ARHGEF4: variants seen among roughly 807,000 people sequenced by gnomAD.
The protein encoded by ARHGEF4 is Rho guanine nucleotide exchange factor 4, also known as APC-stimulated guanine nucleotide exchange factor 1.
ARHGEF4 carries 119 observed loss-of-function variants against 162.0 expected under a neutral mutation model. The ratio of observed to expected loss-of-function variants is 0.73; its 90% CI spans 0.63 to 0.86. The LOEUF (loss-of-function observed/expected upper bound fraction) is 0.86, where lower values mean the gene tolerates loss of function less well. Ranked by LOEUF, ARHGEF4 falls within the 40% of genes least tolerant of loss-of-function variation. ARHGEF4 has a pLI of 0.00. For missense variants in ARHGEF4, 2,488 were observed against 2,456.0 expected (o/e 1.01, Z -0.28); for synonymous variants, 1,014 against 979.9 (o/e 1.03, Z -0.65).
chr2:131,036,170 GC>G (rs1268188926), intron 5 of ARHGEF4, among the ~76,000 whole-genome samples: 1 of 152,220 alleles, frequency 6.6e-6, no homozygotes, highest in African/African-American at 2.4e-5. Flanking sequence ...AAGGGCCTCT[GC>G]CCAGAAACGC....
intron 5 of ARHGEF4, among the ~76,000 whole-genome samples, chr2:131,033,860 G>C (rs142854059): frequency 2.6e-5 from 4 of 152,124 alleles, no homozygotes; most frequent in Non-Finnish European, 5.9e-5. Flanking sequence ...GCACCCACAT[G>C]TTGTACATAG....
chr2:131,025,606 C>T (rs1689426885), intron 4 of ARHGEF4, among the ~76,000 whole-genome samples: 1 of 152,210 alleles, frequency 6.6e-6, no homozygotes, highest in Non-Finnish European at 1.5e-5. Context: ...TTATGTGTTT[C>T]TTCCATCCAT....
At position 130,850,872 on chromosome 2, in the gene ARHGEF4, G is replaced by A. The variant is rs557324528; in HGVS notation, c.39+13880G>A. Among the ~76,000 whole-genome samples, 3 of 152,382 alleles carry A rather than the reference G, an allele frequency of 2.0e-5. No individual in the cohort carries two copies. In the East Asian group the frequency reaches 5.8e-4, roughly 29 times the overall value. On this transcript the variant is annotated intron_variant, in intron 1 of 13. Transcript: ENST00000409359. ...TGGCAGCTGAGGCTGCTGGGCCTCT[G>A]TCATGCATGCGCTTCTGTGGGGCAT...
At chr2:131,019,337 G>C (rs749879322) in intron 4 of ARHGEF4, among the ~76,000 whole-genome samples, 2 of 152,026 alleles carry the variant, frequency 1.3e-5, no homozygotes, top group Non-Finnish European at 2.9e-5. Context: ...GCTTGAACCC[G>C]GGAGGCGGAG....
At chr2:131,008,259 A>G (rs1688251576) in intron 4 of ARHGEF4, among the ~76,000 whole-genome samples, 1 of 152,234 alleles carries the variant, frequency 6.6e-6, no homozygotes, top group South Asian at 2.1e-4. Context: ...ATACTTGTAA[A>G]TACATACTTG....
At chr2:130,921,468 G>T (rs1282323350) in intron 2 of ARHGEF4, among the ~76,000 whole-genome samples, 1 of 152,080 alleles carries the variant, frequency 6.6e-6, no homozygotes, top group Non-Finnish European at 1.5e-5. Context: ...GGGTGTCCTT[G>T]GGGGATGCAT....
At position 131,044,447 on chromosome 2, in the gene ARHGEF4, G is replaced by C; in HGVS notation, c.5306G>C (p.Ser1769Thr). 3 of 1,558,702 alleles carry C rather than the reference G, an allele frequency of 1.9e-6. No homozygotes were observed. Among genetic ancestry groups the C allele is most frequent in the Non-Finnish European group, 2.6e-6 (3 of 1,151,252 alleles). Residue 1769 changes from serine to threonine, a missense_variant, in exon 12 of 14, where the codon AGC (serine) becomes ACC (threonine). Physicochemically the swap from Ser to Thr is moderately conservative, Grantham distance 58. Around this residue, in one of 6 missense-constraint regions of ARHGEF4, gnomAD observed 415 missense variants for 512.4 expected, o/e 0.81. Transcript: ENST00000409359. ...FRLHRGATGDSHLLCTRKPEQ... is the reference protein window; with the variant it reads ...FRLHRGATGDTHLLCTRKPEQ... ...CTGCACCGTGGCGCCACAGGGGACAGCCACCTGCTGTGCACCAGGAAGCCC... is the reference window on the plus strand; with the variant it reads ...CTGCACCGTGGCGCCACAGGGGACACCCACCTGCTGTGCACCAGGAAGCCC...
rs139550285 is a variant in ARHGEF4, at chr2:131,025,796, G to A, written c.3986-2149G>A. Among the ~76,000 whole-genome samples the A allele has an allele frequency of 2.6e-5, 4 of 152,234 alleles. 1 individual carries two copies. The East Asian group carries it at 5.8e-4, about 22-fold the overall frequency. On this transcript the variant is annotated intron_variant, in intron 4 of 13. Coordinates refer to ENST00000409359, the MANE Select transcript of ARHGEF4 (RefSeq NM_001367493.1). ...AGTTGCCTGTTCAAGCTCCCTGAGA[G>A]TAAGATAAGAGTCATGGATGGGACT...
intron 4 of ARHGEF4, among the ~76,000 whole-genome samples, chr2:131,015,172 G>T (rs189798692): frequency 1.2e-4 from 19 of 152,312 alleles, no homozygotes; most frequent in Middle Eastern, 3.4e-3. Context: ...GAGAAGTTCA[G>T]TTTCTCCCAG....
At chr2:130,913,588 T>G (rs1244935382) in intron 1 of ARHGEF4, among the ~76,000 whole-genome samples, 1 of 152,232 alleles carries the variant, frequency 6.6e-6, no homozygotes, top group Non-Finnish European at 1.5e-5. Flanking sequence ...GGGCATTGAC[T>G]TTAAACCAGT....
At chr2:130,905,679 C>T (rs1396304777) in intron 1 of ARHGEF4, among the ~76,000 whole-genome samples, 3 of 151,834 alleles carry the variant, frequency 2.0e-5, no homozygotes, top group Non-Finnish European at 4.4e-5. Context: ...TAATACAGTT[C>T]GATATTTTGA....
At chr2:130,872,818 C>T (rs953260370) in intron 1 of ARHGEF4, among the ~76,000 whole-genome samples, 3 of 152,282 alleles carry the variant, frequency 2.0e-5, no homozygotes, top group Middle Eastern at 3.4e-3. Context: ...CCTCACGGGG[C>T]CTTGGTGCAC....
In ARHGEF4 at chr2:131,046,133, C is replaced by T. The variant is rs757787987; in HGVS notation, c.5575C>T (p.Arg1859Cys). 13 of 1,612,988 alleles carry T rather than the reference C, an allele frequency of 8.1e-6. No homozygotes were observed. The highest frequency in any genetic ancestry group is 1.7e-5 in the Admixed American group (1 of 59,994). The change falls in exon 14 of 14, where the codon CGC (arginine) becomes TGC (cysteine). Residue 1859 changes from arginine to cysteine, a missense_variant. Transcript: ENST00000409359. Reference sequence around the variant, plus strand: ...GGTCCTGGTGCTGGCGGAGCCCAGGCGCAAGCCATCTACCTTCTGGCACAG... The same window carrying T: ...GGTCCTGGTGCTGGCGGAGCCCAGGTGCAAGCCATCTACCTTCTGGCACAG... Reference protein sequence around the residue: ...QQVLVLAEPRRKPSTFWHSIS... With the variant: ...QQVLVLAEPRCKPSTFWHSIS...
intron 4 of ARHGEF4, among the ~76,000 whole-genome samples, chr2:130,975,831 G>A (rs4850101): frequency 0.52 from 79,102 of 152,068 alleles, 24,301 homozygotes; most frequent in East Asian, 0.84. Context: ...GCACTGAGGC[G>A]TCACTGTCCC....
intron 9 of ARHGEF4, 126 bp from the exon 10 acceptor site, chr2:131,041,689 T>C: frequency 1.5e-6 from 2 of 1,332,812 alleles, no homozygotes; most frequent in Non-Finnish European, 2.1e-6. Context: ...GTGCATCTGA[T>C]AGTGAGGATG....
intron 1 of ARHGEF4, among the ~76,000 whole-genome samples, chr2:130,893,479 C>T (rs1332120863): frequency 6.6e-6 from 1 of 152,228 alleles, no homozygotes; most frequent in Non-Finnish European, 1.5e-5. Context: ...TGTCAACTGC[C>T]TTGGCCTGTT....
chr2:130,915,987 G>A lies in ARHGEF4; in HGVS notation c.2041G>A (p.Gly681Arg), dbSNP rs2105056540. 6.4e-7 allele frequency: 1 copy of A among 1,550,540 alleles called. No homozygotes were observed. Among genetic ancestry groups the A allele is most frequent in the Non-Finnish European group, 8.7e-7 (1 of 1,146,980 alleles). Residue 681 changes from glycine (G) to arginine (R), a missense_variant, in exon 2 of 14, where the codon GGG becomes AGG. By Grantham distance (125) the Gly-to-Arg change is moderately radical (BLOSUM62 -2). Transcript: ENST00000409359. The stretch of plus-strand genomic sequence containing the variant: ...GACCCCCTGTGAGTCTCCCACTAGG[G>A]GGAAAACACCAGCCGGTAATGAGTG... ...GETPCESPTRGKTPAGNECEL... is the reference protein window; with the variant it reads ...GETPCESPTRRKTPAGNECEL...
chr2:130,907,437 T>G (rs1680895745), intron 1 of ARHGEF4, among the ~76,000 whole-genome samples: 1 of 151,536 alleles, frequency 6.6e-6, no homozygotes, highest in Non-Finnish European at 1.5e-5. Context: ...CAGGATGGTC[T>G]CGATCTCCTG....
chr2:131,043,337 G>A (rs2105417855), intron 10 of ARHGEF4, 115 bp from the exon 11 acceptor site: 2 of 1,429,896 alleles, frequency 1.4e-6, no homozygotes, highest in South Asian at 2.5e-5. Flanking sequence ...GCCTGGCCAG[G>A]TGGGCGCTGC....
Sources: gnomAD v4.1 joint callset for allele counts (sites outside exome capture counted in the v4.1 genomes callset) on GRCh38, gnomAD v4.1.1 for gene constraint, gnomAD v4.1.1 regional missense constraint, MANE v1.5 for transcripts, NCBI Gene and HGNC (gene_info 2026-07-23, HGNC 2026-07-21) for gene names.